CNTN1: variants seen among roughly 807,000 people sequenced by gnomAD.
The protein encoded by CNTN1 is contactin-1.
Under a neutral mutation model 126.4 loss-of-function variants are expected in CNTN1, and 38 were observed. The observed-to-expected ratio is 0.30, with a 90% confidence interval of 0.23 to 0.39. The LOEUF is 0.39. Among genes scored for constraint, CNTN1 ranks in the 10% least tolerant of loss-of-function variants. CNTN1 has a pLI of 1.00. For synonymous variants in CNTN1, 413 were observed against 422.6 expected, an observed-to-expected ratio of 0.98 and a Z score of 0.28; for missense variants, 1,009 against 1,248.4, an observed-to-expected ratio of 0.81 and a Z score of 2.89.
intron 3 of CNTN1, among the ~76,000 whole-genome samples, chr12:40,918,033 G>T (rs1289224283): frequency 6.6e-6 from 1 of 152,102 alleles, no homozygotes; most frequent in African/African-American, 2.4e-5. Context: ...TCAGACTCTT[G>T]TTCAAAAATC....
chr12:41,029,411 A>G (rs1427498196), intron 23 of CNTN1, among the ~76,000 whole-genome samples, 192 bp downstream of exon 23: 1 of 152,192 alleles, frequency 6.6e-6, no homozygotes, highest in Non-Finnish European at 1.5e-5. Flanking sequence ...GTGACATACC[A>G]CATACTTCTT....
At chr12:40,918,874 T>C (rs1945338096) in intron 4 of CNTN1, 103 bp downstream of exon 4, 1 of 1,387,964 alleles carries the variant, frequency 7.2e-7, no homozygotes. Flanking sequence ...TTCTGCAAAT[T>C]CCATGGACAT....
At chr12:40,801,029 T>TG (rs1324923110) in intron 1 of CNTN1, among the ~76,000 whole-genome samples, 1 of 150,568 alleles carries the variant, frequency 6.6e-6, no homozygotes. Context: ...TTTTTTTTTT[T>TG]AAGATAGATT....
chr12:40,908,330 T>A, intron 1 of CNTN1, 27 bp from the exon 2 acceptor site: 1 of 815,510 alleles, frequency 1.2e-6, no homozygotes, highest in South Asian at 1.5e-5. Flanking sequence ...AATTCTTTCC[T>A]TCTTCTTCTT....
intron 1 of CNTN1, among the ~76,000 whole-genome samples, chr12:40,830,960 TATACAC>T (rs1446888311): frequency 2.5e-5 from 3 of 120,950 alleles, no homozygotes; most frequent in African/African-American, 9.1e-5. Flanking sequence ...TATATATATA[TATACAC>T]ACACACACAC....
chr12:41,066,378 T>A (rs546567330), intron 23 of CNTN1, among the ~76,000 whole-genome samples: 17 of 152,282 alleles, frequency 1.1e-4, no homozygotes, highest in African/African-American at 4.1e-4. Context: ...TCTAACCATC[T>A]TCTTCCTTAG....
rs530968009 is a variant in CNTN1 at position 41,069,867 on chromosome 12, C to A, written c.2981-92C>A. ...GAAAGGACCCATTTGTTTTCCAGGGCTATGCAATCTCGCCTTAGCTGAAGC... is the reference window on the plus strand; with the variant it reads ...GAAAGGACCCATTTGTTTTCCAGGGATATGCAATCTCGCCTTAGCTGAAGC... On this transcript the variant is annotated intron_variant, in intron 23 of 23. Transcript: ENST00000551295. 1,031 of 957,672 alleles carry A rather than the reference C, an allele frequency of 1.1e-3. 8 individuals carry two copies. Among genetic ancestry groups the A allele is most frequent in the South Asian group, 7.7e-3 (592 of 77,220 alleles). The allele number at this position is 957,672 out of a possible 1,614,324, so 59.3% of individuals were successfully genotyped here.
intron 14 of CNTN1, among the ~76,000 whole-genome samples, chr12:40,956,288 C>T (rs1337992801): frequency 2.6e-5 from 4 of 152,074 alleles, no homozygotes; most frequent in Admixed American, 2.6e-4. Flanking sequence ...AACATGTCTG[C>T]TAAATAAAAC....
At chr12:40,746,264 A>G (rs887954600) in intron 1 of CNTN1, among the ~76,000 whole-genome samples, 3 of 152,134 alleles carry the variant, frequency 2.0e-5, no homozygotes, top group East Asian at 1.9e-4. Flanking sequence ...ATCTGCTTCA[A>G]ATAATCTTGG....
At chr12:40,901,966 G>T (rs747699935) in intron 1 of CNTN1, among the ~76,000 whole-genome samples, 83 of 152,022 alleles carry the variant, frequency 5.5e-4, no homozygotes, top group Non-Finnish European at 1.0e-3. Context: ...CAGTTAAAGG[G>T]GGTTTCATCA....
Position 40,752,388 on chromosome 12 carries a change from C to G in CNTN1, c.-77+59796C>G, listed in dbSNP as rs1938437033. Reference sequence around the variant, plus strand: ...TAACCTTGGGATTTTAAGGTTCTTTCCTTATATGCTCTAGAAAACCCTTAA... The same window carrying G: ...TAACCTTGGGATTTTAAGGTTCTTTGCTTATATGCTCTAGAAAACCCTTAA... On this transcript the variant is annotated intron_variant, in intron 1 of 23. Transcript: ENST00000551295. 2.0e-5 allele frequency among the ~76,000 whole-genome samples: 3 copies of G among 152,140 alleles called. No individual in the cohort carries two copies. The South Asian group carries it at 6.2e-4, about 32-fold the overall frequency.
At chr12:40,908,583 C>A (rs1944919696) in intron 2 of CNTN1, 90 bp downstream of exon 2, 7 of 942,990 alleles carry the variant, frequency 7.4e-6, no homozygotes, top group Non-Finnish European at 9.7e-6. Context: ...AGTAAAAATT[C>A]TTATTTTCTC....
chr12:40,769,930 C>T (rs569236502), intron 1 of CNTN1, among the ~76,000 whole-genome samples: 9 of 151,990 alleles, frequency 5.9e-5, no homozygotes, highest in South Asian at 2.1e-4. Flanking sequence ...AAATAAAAAA[C>T]GGGAAACATA....
chr12:40,955,912 C>A (rs973588863), intron 14 of CNTN1, among the ~76,000 whole-genome samples: 1 of 152,128 alleles, frequency 6.6e-6, no homozygotes, highest in East Asian at 1.9e-4. Flanking sequence ...GTGATATATG[C>A]AAAGTTTTGA....
chr12:41,015,123 A>C (rs1304116188), intron 18 of CNTN1, among the ~76,000 whole-genome samples: 1 of 152,184 alleles, frequency 6.6e-6, no homozygotes, highest in East Asian at 1.9e-4. Context: ...ATGTTTAGCA[A>C]AACTTGACTC....
intron 1 of CNTN1, among the ~76,000 whole-genome samples, chr12:40,848,334 GTT>G (rs1489972966): frequency 2.6e-5 from 4 of 152,076 alleles, no homozygotes; most frequent in Non-Finnish European, 4.4e-5. Context: ...AGTGTTTAAT[GTT>G]AGCAAAAATG....
intron 15 of CNTN1, among the ~76,000 whole-genome samples, chr12:40,965,988 CCTCATCACACCACACACACA>C (rs1947292263): frequency 6.9e-6 from 1 of 145,296 alleles, no homozygotes; most frequent in African/African-American, 2.6e-5. Flanking sequence ...AGTATACACA[CCTCATCACACCACACACACA>C]CACACACACA....
At chr12:40,834,663 T>C (rs953222054) in intron 1 of CNTN1, among the ~76,000 whole-genome samples, 2 of 152,088 alleles carry the variant, frequency 1.3e-5, no homozygotes, top group African/African-American at 4.8e-5. Flanking sequence ...AATAGATCAG[T>C]ATGAGGGCAT....
chr12:40,944,981 G>T (rs997814293), intron 14 of CNTN1, among the ~76,000 whole-genome samples: 75 of 152,196 alleles, frequency 4.9e-4, no homozygotes, highest in African/African-American at 1.7e-3. Context: ...AATGAACTCA[G>T]TAGGACATTT....
Sources: gnomAD v4.1 joint callset for allele counts (sites outside exome capture counted in the v4.1 genomes callset) on GRCh38, gnomAD v4.1.1 for gene constraint, MANE v1.5 for transcripts, NCBI Gene and HGNC (gene_info 2026-07-23, HGNC 2026-07-21) for gene names.